TMPRSS9: variants seen among roughly 807,000 people sequenced by gnomAD.
TMPRSS9 encodes transmembrane serine protease 9, also known as transmembrane protease serine 9.
In TMPRSS9, 113 loss-of-function variants were observed where a neutral mutation model predicts 111.4. The observed-to-expected ratio is 1.01, with a 90% CI of 0.87 to 1.19. The LOEUF (loss-of-function observed/expected upper bound fraction) is 1.19, where lower values mean the gene tolerates loss of function less well. TMPRSS9 is among the 50% of genes most tolerant of loss of function. The pLI, the probability that TMPRSS9 is intolerant of heterozygous loss-of-function variation, is 0.00. For missense variants in TMPRSS9, 1,803 were observed against 1,513.1 expected (o/e 1.19, Z -3.18); for synonymous variants, 805 against 659.1 (o/e 1.22, Z -3.39).
At chr19:2,370,751 A>C (rs1360887623) in intron 1 of TMPRSS9, among the ~76,000 whole-genome samples, 1 of 152,002 alleles carries the variant, frequency 6.6e-6, no homozygotes, top group African/African-American at 2.4e-5. Context: ...CTCTTTATAT[A>C]TATATTGCCC....
intron 1 of TMPRSS9, among the ~76,000 whole-genome samples, chr19:2,374,248 CTTTTTTTTTTTTTT>C (rs1027376774): frequency 0.14 from 9,847 of 70,158 alleles, 997 homozygotes; most frequent in African/African-American, 0.3. Context: ...TCTCAACAAT[CTTTTTTTTTTTTTT>C]TTTTTTTTTT....
chr19:2,390,636 A>G (rs1482268009), intron 1 of TMPRSS9, among the ~76,000 whole-genome samples: 1 of 151,032 alleles, frequency 6.6e-6, no homozygotes, highest in Non-Finnish European at 1.5e-5. Flanking sequence ...CGGGAGGACC[A>G]TCGGAGCCCA....
chr19:2,416,172 G>C, intron 11 of TMPRSS9: 1 of 415,494 alleles, frequency 2.4e-6, no homozygotes, highest in East Asian at 4.0e-5. Flanking sequence ...CCAGGAGGTC[G>C]AGGCTGCAGT....
chr19:2,408,385 A>C (rs1229469755), exon 8 of TMPRSS9: 12 of 1,613,642 alleles, frequency 7.4e-6, no homozygotes, highest in Non-Finnish European at 9.3e-6. Context: ...TGGGTGGCCT[A>C]CGTGGGTGCG....
rs1198106187 is a variant in TMPRSS9, at chr19:2,390,231, G to GTTTT, written c.142+312_142+315dup. Among the ~76,000 whole-genome samples, 927 of 110,476 alleles carry GTTTT rather than the reference G, an allele frequency of 8.4e-3. 139 individuals are homozygous for GTTTT. Among genetic ancestry groups the GTTTT allele is most frequent in the African/African-American group, 0.025 (685 of 27,870 alleles). 72.5% of individuals were successfully genotyped at this position (110,476 alleles called of 152,430 possible). On this transcript the variant is annotated intron_variant, in intron 1 of 17. Transcript: ENST00000648592. ...GCAAATCAGCAAAATACCCAAAGTA[G>GTTTT]TTTTTTTTTTTGTTTTTTTTTTTTT...
chr19:2,385,446 G>C (rs72989469), upstream of TMPRSS9, among the ~76,000 whole-genome samples: 1 of 152,120 alleles, frequency 6.6e-6, no homozygotes, highest in African/African-American at 2.4e-5. Context: ...CGGTGTTGCC[G>C]TTGCACATGG....
At chr19:2,371,565 C>T (rs532459848) in intron 1 of TMPRSS9, among the ~76,000 whole-genome samples, 12 of 152,140 alleles carry the variant, frequency 7.9e-5, no homozygotes, top group East Asian at 1.9e-4. Flanking sequence ...GATGTGGTGA[C>T]GGGCACCTAT....
At position 2,418,013 on chromosome 19, in the gene TMPRSS9, G is replaced by C; in HGVS notation, c.2029G>C (p.Glu677Gln). Residue 677 changes from glutamate to glutamine, a missense_variant, in exon 13 of 18, where the codon GAG (glutamate) becomes CAG (glutamine). Glu to Gln is a conservative substitution (Grantham distance 29, BLOSUM62 2). Coordinates refer to ENST00000648592, the Ensembl canonical transcript of TMPRSS9. ...TCTTTCCCTGGTAGCCACCAAGCCCGAGCTCCTGCAGAAGGCGTCCGTGGG... is the reference window on the plus strand; with the variant it reads ...TCTTTCCCTGGTAGCCACCAAGCCCCAGCTCCTGCAGAAGGCGTCCGTGGG... 1 of 1,611,498 alleles carries C rather than the reference G, an allele frequency of 6.2e-7. No individual in the cohort carries two copies. The highest frequency in any genetic ancestry group is 1.1e-5 in the South Asian group (1 of 91,066).
chr19:2,422,303 T>G lies in TMPRSS9; in HGVS notation c.2548+56T>G, dbSNP rs896225955. The G allele has an allele frequency of 5.4e-6, 8 of 1,472,552 alleles. No individual in the cohort carries two copies. In the South Asian group the frequency reaches 8.5e-5, roughly 16 times the overall value. The allele number at this position is 1,472,552 out of a possible 1,614,324, so 91.2% of individuals were successfully genotyped here. A position where few individuals can be genotyped will look rare whatever the true frequency, so the allele number is the denominator to read the frequency against. On this transcript the variant is annotated intron_variant, in intron 14 of 17. Coordinates refer to ENST00000648592, the Ensembl canonical transcript of TMPRSS9. ...GTGGAGGGTCCCATGTTAATCAGCC[T>G]GGGCTGCCTAACAAGACATAACGTC...
rs1436735896 is a variant in TMPRSS9 at position 2,424,127 on chromosome 19, G to T, written c.2587G>T (p.Gly863Cys). ...GCCGGCCGCGCTCACCAGGATTGTG[G>T]GCGGCAGCGCAGCGGGCCGTGGGGA... Residue 863 changes from glycine (G) to cysteine (C), a missense_variant, in exon 15 of 18, where the codon GGC becomes TGC. Transcript: ENST00000648592. The T allele has an allele frequency of 2.2e-6, 3 of 1,392,782 alleles. No individual in the cohort carries two copies. Among genetic ancestry groups the T allele is most frequent in the African/African-American group, 1.5e-5 (1 of 66,858 alleles). The allele number at this position is 1,392,782 out of a possible 1,614,324, so 86.3% of individuals were successfully genotyped here.
intron 1 of TMPRSS9, among the ~76,000 whole-genome samples, chr19:2,362,601 A>G (rs1970209596): frequency 6.6e-6 from 1 of 151,898 alleles, no homozygotes; most frequent in African/African-American, 2.4e-5. Flanking sequence ...ATTGCATATG[A>G]TTGTGGCAAT....
intron 11 of TMPRSS9, chr19:2,416,242 A>G (rs1054427742): frequency 4.3e-6 from 2 of 468,006 alleles, no homozygotes; most frequent in African/African-American, 3.9e-5. Context: ...TGTCTCAACA[A>G]AAAAGAGACT....
intron 1 of TMPRSS9, among the ~76,000 whole-genome samples, chr19:2,366,576 G>GCTGCCTCATCTGAAA: frequency 6.6e-6 from 1 of 152,178 alleles, no homozygotes; most frequent in South Asian, 2.1e-4. Context: ...ATGGGCCAGG[G>GCTGCCTCATCTGAAA]GCTGGGTGCG....
At chr19:2,399,298 A>C in intron 4 of TMPRSS9, 105 bp downstream of exon 5, 26 of 1,385,010 alleles carry the variant, frequency 1.9e-5, no homozygotes, top group African/African-American at 2.9e-5. Context: ...AAAGAAAACA[A>C]ACTGGCCGGG....
intron 5 of TMPRSS9, 116 bp from the exon 7 acceptor site, chr19:2,402,966 G>T (rs888472148): frequency 2.0e-5 from 15 of 748,416 alleles, no homozygotes; most frequent in Middle Eastern, 2.8e-4. Context: ...GGAAAGAAAA[G>T]GAGAGAGAGA....
chr19:2,418,278 T>A, intron 13 of TMPRSS9, 140 bp downstream of exon 14: 2 of 775,190 alleles, frequency 2.6e-6, no homozygotes, highest in Non-Finnish European at 3.6e-6. Flanking sequence ...CCTTCCCTCC[T>A]TTTCCTTTCC....
chr19:2,415,991 C>G lies in TMPRSS9; in HGVS notation c.1745+150C>G, dbSNP rs1049044455. ...GGGCAGCTGAGAGACAGGAGGGAGC[C>G]GGTGCCAAGGCTTCTAAGGACAAAC... On this transcript the variant is annotated intron_variant, in intron 11 of 17. Coordinates refer to ENST00000648592, the Ensembl canonical transcript of TMPRSS9. The G allele has an allele frequency of 3.0e-6, 3 of 985,408 alleles. No homozygotes were observed. In the African/African-American group the frequency reaches 5.1e-5, roughly 17 times the overall value. The allele number at this position is 985,408 out of a possible 1,614,324, so 61.0% of individuals were successfully genotyped here. A position where few individuals can be genotyped will look rare whatever the true frequency, so the allele number is the denominator to read the frequency against.
At chr19:2,414,533 C>T (rs562664471) in intron 10 of TMPRSS9, among the ~76,000 whole-genome samples, 29 of 152,040 alleles carry the variant, frequency 1.9e-4, no homozygotes, top group African/African-American at 5.3e-4. Context: ...CCACCATGCC[C>T]GGTCTGGAAT....
At chr19:2,389,301 T>C (rs942707313), upstream of TMPRSS9, among the ~76,000 whole-genome samples, 4 of 151,190 alleles carry the variant, frequency 2.6e-5, no homozygotes, top group Non-Finnish European at 4.4e-5. Context: ...TCTCAAACTC[T>C]TGACCTCAAG....
Sources: allele counts gnomAD v4.1 joint callset (sites outside exome capture counted in the v4.1 genomes callset), GRCh38; gene constraint gnomAD v4.1.1; transcripts MANE v1.5; gene names NCBI Gene and HGNC (gene_info 2026-07-23, HGNC 2026-07-21).